CALN1: variants seen among roughly 807,000 people sequenced by gnomAD.
CALN1 encodes calneuron 1.
A neutral mutation model predicts 30.6 loss-of-function variants in CALN1; 17 were observed. The observed-to-expected ratio is 0.56, with a 90% CI of 0.38 to 0.83. The LOEUF (loss-of-function observed/expected upper bound fraction) is 0.83, where lower values mean the gene tolerates loss of function less well. CALN1 is among the 40% of genes least tolerant of loss of function. CALN1 has a pLI of 0.00. For synonymous variants in CALN1, 156 were observed against 131.4 expected, an observed-to-expected ratio of 1.19 and a Z score of -1.28; for missense variants, 291 against 354.9, an observed-to-expected ratio of 0.82 and a Z score of 1.45.
At chr7:72,390,047 G>T (rs931022410) in intron 2 of CALN1, among the ~76,000 whole-genome samples, 1 of 152,086 alleles carries the variant, frequency 6.6e-6, no homozygotes, top group African/African-American at 2.4e-5. Flanking sequence ...AGTTCTATGG[G>T]CTGGCTGGGT....
chr7:72,251,732 G>C (rs1795574479), intron 3 of CALN1, among the ~76,000 whole-genome samples: 1 of 152,076 alleles, frequency 6.6e-6, no homozygotes, highest in Non-Finnish European at 1.5e-5. Flanking sequence ...GCATCTAATA[G>C]ATTACGTGAA....
chr7:71,824,663 A>C (rs1179937174), intron 5 of CALN1, among the ~76,000 whole-genome samples: 1 of 152,112 alleles, frequency 6.6e-6, no homozygotes, highest in Non-Finnish European at 1.5e-5. Context: ...TCTGGAATGA[A>C]TTTGATGACA....
intron 3 of CALN1, among the ~76,000 whole-genome samples, chr7:72,247,295 C>CTGGAG (rs2129551780): frequency 8.1e-6 from 1 of 122,728 alleles, no homozygotes; most frequent in East Asian, 2.9e-4. Flanking sequence ...GTCACCCAGG[C>CTGGAG]TGGAGTGCAG....
At chr7:71,990,198 C>G (rs1798874201) in intron 5 of CALN1, among the ~76,000 whole-genome samples, 1 of 152,180 alleles carries the variant, frequency 6.6e-6, no homozygotes, top group Non-Finnish European at 1.5e-5. Context: ...GTCGTCCTCA[C>G]TGCTCATCAT....
intron 1 of CALN1, among the ~76,000 whole-genome samples, chr7:72,429,850 G>T (rs1270203260): frequency 1.3e-5 from 2 of 150,784 alleles, no homozygotes; most frequent in East Asian, 3.9e-4. Flanking sequence ...ATGGAGTCTT[G>T]CTCTGTCACC....
At chr7:72,220,915 T>C (rs1463120639) in intron 3 of CALN1, among the ~76,000 whole-genome samples, 11 of 152,124 alleles carry the variant, frequency 7.2e-5, no homozygotes, top group Non-Finnish European at 4.4e-5. Flanking sequence ...GTAAATTTGT[T>C]TGAGTTCATT....
At chr7:72,329,830 T>A (rs1801541703) in intron 2 of CALN1, among the ~76,000 whole-genome samples, 1 of 151,932 alleles carries the variant, frequency 6.6e-6, no homozygotes, top group Non-Finnish European at 1.5e-5. Context: ...GCCACGCACC[T>A]GTAATTCCAG....
At chr7:72,484,248 T>A in the CALN1 span, among the ~76,000 whole-genome samples, 2 of 145,096 alleles carry the variant, frequency 1.4e-5, no homozygotes, top group Non-Finnish European at 3.0e-5. Flanking sequence ...TGGCTATTTT[T>A]AAATTTTTAT....
intron 5 of CALN1, among the ~76,000 whole-genome samples, chr7:71,851,523 AG>A (rs979596146): frequency 6.6e-6 from 1 of 151,946 alleles, no homozygotes; most frequent in African/African-American, 2.4e-5. Flanking sequence ...GTCTCAAAAA[AG>A]AAAAAAACAG....
chr7:72,184,365 G>T (rs776650290), intron 3 of CALN1, among the ~76,000 whole-genome samples: 1 of 152,178 alleles, frequency 6.6e-6, no homozygotes, highest in Non-Finnish European at 1.5e-5. Flanking sequence ...AATGCAGGCA[G>T]TAATACTACC....
Position 71,810,384 on chromosome 7 carries a change from C to G in CALN1, c.610G>C (p.Glu204Gln). ...DIENIIINEE[E>Q]SLNETSGNCQ... ...TTCCCCGAGGTCTCATTCAGGCTCT[C>G]TTCCTCATTGATAATGATGTTCTCA... Residue 204 changes from glutamate (E) to glutamine (Q), a missense_variant, in exon 6 of 7, where the codon GAG becomes CAG. This residue lies in a region of CALN1 where 169 missense variants were observed against 251.7 expected (regional missense o/e 0.67). Transcript: ENST00000395275. The G allele has an allele frequency of 6.2e-7, 1 of 1,614,180 alleles. No individual in the cohort carries two copies. The highest frequency in any genetic ancestry group is 8.5e-7 in the Non-Finnish European group (1 of 1,180,034).
chr7:72,112,632 G>A (rs867147413), intron 3 of CALN1, among the ~76,000 whole-genome samples: 3 of 152,102 alleles, frequency 2.0e-5, no homozygotes, highest in African/African-American at 4.8e-5. Flanking sequence ...GATTTAGAAA[G>A]GTTTTCACCT....
intron 5 of CALN1, among the ~76,000 whole-genome samples, chr7:71,851,781 T>C (rs1214656363): frequency 2.0e-5 from 3 of 151,910 alleles, no homozygotes; most frequent in Admixed American, 6.6e-5. Flanking sequence ...ATATAATAGA[T>C]GCAACTCTCC....
intron 5 of CALN1, among the ~76,000 whole-genome samples, chr7:71,831,049 A>G (rs889378074): frequency 1.3e-5 from 2 of 152,094 alleles, no homozygotes; most frequent in African/African-American, 4.8e-5. Context: ...ATGCACATAA[A>G]TGCAGACCCC....
At chr7:72,278,610 T>C (rs1462004947) in intron 3 of CALN1, 76 bp downstream of exon 3, 6 of 1,575,674 alleles carry the variant, frequency 3.8e-6, no homozygotes, top group Non-Finnish European at 5.2e-6. Flanking sequence ...TCCAGGGCTT[T>C]CAATTGAGCT....
At chr7:71,998,366 T>C (rs1310933799) in intron 5 of CALN1, among the ~76,000 whole-genome samples, 1 of 152,092 alleles carries the variant, frequency 6.6e-6, no homozygotes, top group African/African-American at 2.4e-5. Context: ...ATCCTTTTCC[T>C]TCTAAATTGT....
chr7:72,288,474 A>C (rs1798251854), intron 2 of CALN1, among the ~76,000 whole-genome samples: 1 of 152,170 alleles, frequency 6.6e-6, no homozygotes, highest in African/African-American at 2.4e-5. Context: ...GAATACAGCC[A>C]ACACTTAGGG....
chr7:72,199,571 T>C (rs1791277148), intron 3 of CALN1, among the ~76,000 whole-genome samples: 1 of 152,102 alleles, frequency 6.6e-6, no homozygotes, highest in Admixed American at 6.6e-5. Flanking sequence ...AATTAAAAAG[T>C]TAGCCACAGT....
chr7:72,180,001 G>T (rs151126245), intron 3 of CALN1, among the ~76,000 whole-genome samples: 50 of 152,160 alleles, frequency 3.3e-4, no homozygotes, highest in African/African-American at 1.1e-3. Flanking sequence ...TGATCCGTCC[G>T]CATCAGGATA....
Sources: gnomAD v4.1 joint callset for allele counts (sites outside exome capture counted in the v4.1 genomes callset) on GRCh38, gnomAD v4.1.1 for gene constraint, gnomAD v4.1.1 regional missense constraint, MANE v1.5 for transcripts, NCBI Gene and HGNC (gene_info 2026-07-23, HGNC 2026-07-21) for gene names.